Variants in ACOXL observed in about 807,000 individuals in gnomAD.
ACOXL encodes acyl-coenzyme A oxidase-like protein.
ACOXL carries 70 observed loss-of-function variants against 71.9 expected under a neutral mutation model. That is an observed-to-expected ratio of 0.97 (90% CI 0.80 to 1.19). The LOEUF is 1.19. ACOXL is among the 50% of genes most tolerant of loss of function. The probability of loss-of-function intolerance (pLI) is 0.00; values close to 1 mark genes in which losing one functional copy is unlikely to be tolerated. For synonymous variants in ACOXL, 253 were observed against 281.6 expected, an observed-to-expected ratio of 0.90 and a Z score of 1.02; for missense variants, 703 against 736.3, an observed-to-expected ratio of 0.95 and a Z score of 0.52.
At chr2:110,775,432 C>T (rs1307835230) in intron 2 of ACOXL, among the ~76,000 whole-genome samples, 1 of 151,968 alleles carries the variant, frequency 6.6e-6, no homozygotes, top group African/African-American at 2.4e-5. Flanking sequence ...CATCAAGGGA[C>T]ACTATCAACA....
At chr2:110,782,883 G>C (rs983313090) in intron 2 of ACOXL, among the ~76,000 whole-genome samples, 1 of 152,170 alleles carries the variant, frequency 6.6e-6, no homozygotes, top group Non-Finnish European at 1.5e-5. Flanking sequence ...TCCAGAGAGG[G>C]TGACTCTCAG....
intron 3 of ACOXL, among the ~76,000 whole-genome samples, chr2:110,785,370 TTGTG>T (rs34917698): frequency 7.6e-4 from 110 of 145,658 alleles, no homozygotes; most frequent in Non-Finnish European, 1.2e-3. Context: ...ATGCACTCAG[TTGTG>T]TGTGTGTGTG....
At chr2:110,876,125 A>G (rs1431454186) in intron 10 of ACOXL, among the ~76,000 whole-genome samples, 2 of 152,158 alleles carry the variant, frequency 1.3e-5, no homozygotes, top group Admixed American at 1.3e-4. Context: ...GAAGGCTTGG[A>G]CGCATCCTCT....
chr2:110,750,718 A>G (rs2104796088), intron 1 of ACOXL, among the ~76,000 whole-genome samples: 1 of 150,726 alleles, frequency 6.6e-6, no homozygotes, highest in South Asian at 2.1e-4. Flanking sequence ...TTTTTTTGAG[A>G]CAGGATCTTG....
intron 11 of ACOXL, among the ~76,000 whole-genome samples, chr2:110,921,540 C>T (rs2060077213): frequency 6.6e-6 from 1 of 151,954 alleles, no homozygotes; most frequent in Admixed American, 6.6e-5. Flanking sequence ...ACTACAGGTG[C>T]CTGCCACCAC....
chr2:111,117,960 C>T lies in ACOXL; in HGVS notation c.*144C>T. The T allele has an allele frequency of 9.9e-7, 1 of 1,005,286 alleles. No homozygotes were observed. The highest frequency in any genetic ancestry group is 1.4e-6 in the Non-Finnish European group (1 of 705,380). The allele number at this position is 1,005,286 out of a possible 1,614,324, so 62.3% of individuals were successfully genotyped here. On this transcript the variant is annotated 3_prime_UTR_variant, in exon 18 of 18. Coordinates refer to ENST00000439055, the MANE Select transcript of ACOXL (RefSeq NM_001142807.4). Reference sequence around the variant, plus strand: ...TTTTGGTGGCAAAGCGGAGGTCCCGCCGAGGCTGGCGAGGTGCGCGGCTGG... The same window carrying T: ...TTTTGGTGGCAAAGCGGAGGTCCCGTCGAGGCTGGCGAGGTGCGCGGCTGG...
intron 16 of ACOXL, among the ~76,000 whole-genome samples, chr2:111,083,990 A>G (rs1285789074): frequency 6.6e-6 from 1 of 152,130 alleles, no homozygotes; most frequent in African/African-American, 2.4e-5. Flanking sequence ...CTTGTCAGGA[A>G]TAAAAACAGA....
intron 10 of ACOXL, among the ~76,000 whole-genome samples, chr2:110,879,642 T>C (rs1178640470): frequency 1.3e-5 from 2 of 152,096 alleles, no homozygotes; most frequent in African/African-American, 4.8e-5. Context: ...ATTGACTGAT[T>C]TGTGGGAGGG....
At chr2:110,765,261 G>A (rs1227368590) in intron 1 of ACOXL, among the ~76,000 whole-genome samples, 2 of 152,090 alleles carry the variant, frequency 1.3e-5, no homozygotes, top group Admixed American at 6.5e-5. Flanking sequence ...CTTGACATGG[G>A]CTTCTTTGGG....
intron 11 of ACOXL, among the ~76,000 whole-genome samples, chr2:110,931,913 C>T (rs1323330142): frequency 6.6e-6 from 1 of 152,214 alleles, no homozygotes; most frequent in Non-Finnish European, 1.5e-5. Context: ...TGAGCCATTT[C>T]ACTTCAATGT....
At chr2:111,113,598 G>A (rs1267549503) in intron 17 of ACOXL, among the ~76,000 whole-genome samples, 1 of 152,176 alleles carries the variant, frequency 6.6e-6, no homozygotes, top group Non-Finnish European at 1.5e-5. Flanking sequence ...ATGGATCCTT[G>A]GCAAAGGCTG....
intron 14 of ACOXL, among the ~76,000 whole-genome samples, chr2:111,003,520 C>A (rs1415299745): frequency 1.1e-4 from 13 of 117,728 alleles, no homozygotes; most frequent in African/African-American, 3.8e-4. Context: ...CACTGCACTC[C>A]AGCCTGGGCG....
intron 5 of ACOXL, chr2:110,796,330 G>T (rs1441452530): frequency 2.0e-5 from 3 of 152,172 alleles, no homozygotes; most frequent in African/African-American, 7.2e-5. Flanking sequence ...AGGTTATGAA[G>T]TCTCTGGCCA....
rs187517665 is a variant in ACOXL at position 110,760,712 on chromosome 2, C to T, written c.-22-7656C>T. On this transcript the variant is annotated intron_variant, in intron 1 of 17. Coordinates refer to ENST00000439055, the MANE Select transcript of ACOXL (RefSeq NM_001142807.4). Reference sequence around the variant, plus strand: ...CACATATCTCTTACTTTATATCACCCGCAAGCATGGTAGTCTGAGCATATT... The same window carrying T: ...CACATATCTCTTACTTTATATCACCTGCAAGCATGGTAGTCTGAGCATATT... 9.1e-4 allele frequency among the ~76,000 whole-genome samples: 138 copies of T among 152,274 alleles called. 2 individuals are homozygous for T. Among genetic ancestry groups the T allele is most frequent in the African/African-American group, 3.1e-3 (129 of 41,564 alleles).
chr2:111,028,006 C>T (rs1209725261), intron 14 of ACOXL, among the ~76,000 whole-genome samples: 1 of 151,938 alleles, frequency 6.6e-6, no homozygotes, highest in South Asian at 2.1e-4. Context: ...AGCAACACAG[C>T]AAGACCCTAT....
intron 9 of ACOXL, among the ~76,000 whole-genome samples, chr2:110,822,424 A>T (rs1688726110): frequency 6.6e-6 from 1 of 152,074 alleles, no homozygotes; most frequent in African/African-American, 2.4e-5. Flanking sequence ...GCCTTCACGT[A>T]TGCCGGTTTC....
chr2:110,809,375 C>G (rs976711347), intron 9 of ACOXL, among the ~76,000 whole-genome samples: 2 of 152,200 alleles, frequency 1.3e-5, no homozygotes, highest in Non-Finnish European at 2.9e-5. Flanking sequence ...GGGCTGCATG[C>G]TGAGTGCAAC....
chr2:110,797,875 CA>C lies in ACOXL; in HGVS notation c.346-731del, dbSNP rs553905001. ...TTTTGGTGTTGGATGAGTTAAAGGT[CA>C]AAACTTTGCTATGAAGTAGTCTAGC... is the stretch of plus-strand genomic sequence containing the variant. On this transcript the variant is annotated intron_variant, in intron 5 of 17. Coordinates refer to ENST00000439055, the MANE Select transcript of ACOXL (RefSeq NM_001142807.4). Among the ~76,000 whole-genome samples the C allele has an allele frequency of 1.0e-3, 155 of 152,198 alleles. 1 individual carries two copies. Among genetic ancestry groups the C allele is most frequent in the African/African-American group, 3.6e-3 (148 of 41,512 alleles).
chr2:110,935,480 C>T (rs990736789), intron 12 of ACOXL, among the ~76,000 whole-genome samples: 5 of 152,160 alleles, frequency 3.3e-5, no homozygotes, highest in South Asian at 4.1e-4. Flanking sequence ...CCGGAACAAC[C>T]GCCCTCGCCT....
Sources: gnomAD v4.1 joint callset for allele counts (sites outside exome capture counted in the v4.1 genomes callset) on GRCh38, gnomAD v4.1.1 for gene constraint, MANE v1.5 for transcripts, NCBI Gene and HGNC (gene_info 2026-07-23, HGNC 2026-07-21) for gene names.